The following ST6GALNAC6 variants were observed in gnomAD, a reference collection of about 807,000 sequenced individuals.
ST6GALNAC6 encodes ST6 N-acetylgalactosaminide alpha-2,6-sialyltransferase 6.
In ST6GALNAC6, 19 loss-of-function variants were observed where a neutral mutation model predicts 34.3. That is an observed-to-expected ratio of 0.55 (90% CI 0.39 to 0.81). The LOEUF is 0.81. Ranked by LOEUF, ST6GALNAC6 falls within the 40% of genes least tolerant of loss-of-function variation. The pLI, the probability that ST6GALNAC6 is intolerant of heterozygous loss-of-function variation, is 0.00. For synonymous variants in ST6GALNAC6, 185 were observed against 182.1 expected (o/e 1.02, Z -0.13); for missense variants, 377 against 467.7 (o/e 0.81, Z 1.79).
Position 127,897,990 on chromosome 9 carries a change from T to C in ST6GALNAC6, c.-9A>G, listed in dbSNP as rs1446552466. 2.0e-6 allele frequency: 3 copies of C among 1,522,768 alleles called. No homozygotes were observed. The highest frequency in any genetic ancestry group is 2.7e-6 in the Non-Finnish European group (3 of 1,102,198). The allele number at this position is 1,522,768 out of a possible 1,614,324, so 94.3% of individuals were successfully genotyped here. On this transcript the variant is annotated 5_prime_UTR_variant, in exon 2 of 7. Coordinates refer to ENST00000373146, the MANE Select transcript of ST6GALNAC6 (RefSeq NM_013443.5). ...GGCCTCGAGCAAGCCATGTGACCTC[T>C]CTGAGCCTCAGTTTCCTCATCTGTG...
Position 127,886,473 on chromosome 9 carries a change from CA to C in ST6GALNAC6, c.*125del. 2 of 1,473,560 alleles carry C rather than the reference CA, an allele frequency of 1.4e-6. No individual in the cohort carries two copies. Among genetic ancestry groups the C allele is most frequent in the Non-Finnish European group, 1.8e-6 (2 of 1,112,010 alleles). 91.3% of individuals were successfully genotyped at this position (1,473,560 alleles called of 1,614,324 possible). On this transcript the variant is annotated 3_prime_UTR_variant, in exon 7 of 7. Coordinates refer to ENST00000373146, the MANE Select transcript of ST6GALNAC6 (RefSeq NM_013443.5). The stretch of plus-strand genomic sequence containing the variant: ...GATTGGCTGGAGGATACATCCTCCT[CA>C]AGGCCCTGATTGGCTGGGAGACACT...
In ST6GALNAC6 at chr9:127,899,516, C is replaced by A; in HGVS notation, c.-43G>T. Reference sequence around the variant, plus strand: ...GCGCCTGCTCACCTCCGGCGGGGAGCGCCCGGCCCCCCGCGGCCCCCGAGC... The same window carrying A: ...GCGCCTGCTCACCTCCGGCGGGGAGAGCCCGGCCCCCCGCGGCCCCCGAGC... On this transcript the variant is annotated 5_prime_UTR_variant, in exon 1 of 7. Transcript: ENST00000373146. 5.1e-6 allele frequency: 5 copies of A among 980,228 alleles called. No individual in the cohort carries two copies. Among genetic ancestry groups the A allele is most frequent in the Non-Finnish European group, 4.8e-6 (4 of 827,218 alleles). 60.7% of individuals were successfully genotyped at this position (980,228 alleles called of 1,614,324 possible).
chr9:127,894,358 C>T (rs111270341), intron 4 of ST6GALNAC6, among the ~76,000 whole-genome samples, 154 bp downstream of exon 4: 16 of 152,128 alleles, frequency 1.1e-4, no homozygotes, highest in African/African-American at 3.4e-4. Context: ...ACAGGGGCAG[C>T]GCACTTATCC....
intron 6 of ST6GALNAC6, 90 bp downstream of exon 6, chr9:127,887,394 C>T: frequency 4.6e-6 from 5 of 1,093,962 alleles, no homozygotes; most frequent in African/African-American, 1.6e-5. Context: ...CTCAAAGGCA[C>T]CTTCAGCCAA....
chr9:127,896,197 G>A, intron 3 of ST6GALNAC6, 45 bp downstream of exon 3: 1 of 1,594,950 alleles, frequency 6.3e-7, no homozygotes, highest in Non-Finnish European at 8.6e-7. Context: ...TTCCATGGAG[G>A]GAAGTGAGAG....
chr9:127,903,578 G>C (rs771386515), upstream of ST6GALNAC6: 1 of 152,248 alleles, frequency 6.6e-6, no homozygotes, highest in Admixed American at 6.5e-5. Context: ...CTGCCCACCA[G>C]GCAGGGAGGG....
upstream of ST6GALNAC6, among the ~76,000 whole-genome samples, chr9:127,901,033 C>T (rs1481808513): frequency 8.7e-6 from 1 of 115,598 alleles, no homozygotes; most frequent in African/African-American, 3.5e-5. Context: ...GTCTTGGAAA[C>T]AAAGTTGTAA....
chr9:127,892,223 G>T (rs910966348), intron 4 of ST6GALNAC6, among the ~76,000 whole-genome samples: 2 of 152,168 alleles, frequency 1.3e-5, no homozygotes, highest in Non-Finnish European at 2.9e-5. Flanking sequence ...TCCTGTTTCT[G>T]ACCTCACAGT....
In ST6GALNAC6 at chr9:127,896,347, A is replaced by G. The variant is rs949373698; in HGVS notation, c.27-15T>C. 1.2e-6 allele frequency: 2 copies of G among 1,604,614 alleles called. No homozygotes were observed. Among genetic ancestry groups the G allele is most frequent in the African/African-American group, 2.7e-5 (2 of 74,812 alleles). ...TGGGTTCACACCTGCAAGCCACCAG[A>G]AAGGGTTATTATGGCTTCGGTCCTT... On this transcript the variant is annotated splice_polypyrimidine_tract_variant and intron_variant, in intron 2 of 6. Coordinates refer to ENST00000373146, the MANE Select transcript of ST6GALNAC6 (RefSeq NM_013443.5).
chr9:127,899,610 C>G (rs1486886690), upstream of ST6GALNAC6: 12 of 982,142 alleles, frequency 1.2e-5, no homozygotes, highest in Non-Finnish European at 1.4e-5. Flanking sequence ...CCTCGCCGCA[C>G]CCGCGGCCCG....
Position 127,891,890 on chromosome 9 carries a change from G to A in ST6GALNAC6, c.298-847C>T, listed in dbSNP as rs146878990. On this transcript the variant is annotated intron_variant, in intron 4 of 6. Transcript: ENST00000373146. ...TGGAAGTCCAGGTGCGATGGCTCACGCCTGTAATCCCAGCACTTTGGGAGG... is the reference window on the plus strand; with the variant it reads ...TGGAAGTCCAGGTGCGATGGCTCACACCTGTAATCCCAGCACTTTGGGAGG... Among the ~76,000 whole-genome samples, 455 of 152,060 alleles carry A rather than the reference G, an allele frequency of 3.0e-3. 9 individuals carry two copies. In the East Asian group the frequency reaches 0.069, roughly 23 times the overall value.
chr9:127,905,705 G>A (rs1830899508), upstream of ST6GALNAC6, among the ~76,000 whole-genome samples: 1 of 152,238 alleles, frequency 6.6e-6, no homozygotes, highest in African/African-American at 2.4e-5. Context: ...CATGTCAAGT[G>A]CCTGCTATGT....
chr9:127,891,478 G>A (rs370105706), intron 4 of ST6GALNAC6, among the ~76,000 whole-genome samples: 3 of 151,474 alleles, frequency 2.0e-5, no homozygotes, highest in African/African-American at 7.3e-5. Flanking sequence ...TTAGCCAGGC[G>A]TGGTGGCGCG....
In ST6GALNAC6 at chr9:127,893,133, C is replaced by T. The variant is rs968483004; in HGVS notation, c.297+1379G>A. 7.2e-5 allele frequency among the ~76,000 whole-genome samples: 11 copies of T among 152,210 alleles called. No homozygotes were observed. The East Asian group carries it at 7.7e-4, about 11-fold the overall frequency. On this transcript the variant is annotated intron_variant, in intron 4 of 6. Coordinates refer to ENST00000373146, the MANE Select transcript of ST6GALNAC6 (RefSeq NM_013443.5). Reference sequence around the variant, plus strand: ...CTGAGATGTGAAGGATGAAGAAGGACCACCTAGGGAAACATATTCAAGGCA... The same window carrying T: ...CTGAGATGTGAAGGATGAAGAAGGATCACCTAGGGAAACATATTCAAGGCA...
chr9:127,906,162 C>A, upstream of ST6GALNAC6: 1 of 317,066 alleles, frequency 3.2e-6, no homozygotes, highest in Non-Finnish European at 4.6e-6. Context: ...GGAGAGTATG[C>A]CGGGTCACCC....
rs1280776004 is a variant in ST6GALNAC6, at chr9:127,886,097, C to CCCACAACCT, written c.*493_*501dup. ...CCACCTCTGGGACCTCCCCACCGCC[C>CCCACAACCT]CCACAACCTCCACAACCCCACAAAT... is the stretch of plus-strand genomic sequence containing the variant. On this transcript the variant is annotated 3_prime_UTR_variant, in exon 7 of 7. Transcript: ENST00000373146. The CCCACAACCT allele has an allele frequency of 1.2e-5, 2 of 169,192 alleles. No individual in the cohort carries two copies. Among genetic ancestry groups the CCCACAACCT allele is most frequent in the African/African-American group, 4.8e-5 (2 of 42,042 alleles). The allele number at this position is 169,192 out of a possible 1,614,324, so 10.5% of individuals were successfully genotyped here.
intron 5 of ST6GALNAC6, among the ~76,000 whole-genome samples, 170 bp from the exon 6 acceptor site, chr9:127,887,761 G>A (rs1430333144): frequency 6.6e-6 from 1 of 152,222 alleles, no homozygotes; most frequent in African/African-American, 2.4e-5. Context: ...CATGGCATGT[G>A]GCAGAGGGCT....
At position 127,890,845 on chromosome 9, in the gene ST6GALNAC6, T is replaced by C. The variant is rs1283893901; in HGVS notation, c.496A>G (p.Arg166Gly). 1.6e-5 allele frequency: 26 copies of C among 1,614,016 alleles called. No homozygotes were observed. The Admixed American group carries it at 4.3e-4, about 27-fold the overall frequency. The change falls in exon 5 of 7, where the codon AGG (arginine) becomes GGG (glycine). Residue 166 changes from arginine to glycine, a missense_variant. Transcript: ENST00000373146. This position sits in a 1 kb window ranked among gnomAD's most constrained non-coding sequence, Gnocchi z 4.3. Reference sequence around the variant, plus strand: ...CGGTTGACAAACTCCTGGGGCCTCCTCAGCACGCGGAACACACTGGAATGG... The same window carrying C: ...CGGTTGACAAACTCCTGGGGCCTCCCCAGCACGCGGAACACACTGGAATGG... Reference protein sequence around the residue: ...VAHSSVFRVLRRPQEFVNRTP... With the variant: ...VAHSSVFRVLGRPQEFVNRTP...
intron 1 of ST6GALNAC6, chr9:127,905,156 C>T (rs928587963): frequency 1.1e-6 from 1 of 945,002 alleles, no homozygotes; most frequent in African/African-American, 1.8e-5. Flanking sequence ...AGAGTGGCTG[C>T]AGATTCAGGT....
Sources: gnomAD v4.1 joint callset for allele counts (sites outside exome capture counted in the v4.1 genomes callset) on GRCh38, gnomAD v4.1.1 for gene constraint, Gnocchi (gnomAD v3.1) non-coding constraint, MANE v1.5 for transcripts, NCBI Gene and HGNC (gene_info 2026-07-23, HGNC 2026-07-21) for gene names.